The following PHKB variants were observed in gnomAD, a reference collection of about 807,000 sequenced individuals.
PHKB encodes the protein phosphorylase kinase regulatory subunit beta.
In PHKB, 122 loss-of-function variants were observed where a neutral mutation model predicts 152.1. The observed-to-expected ratio is 0.80, with a 90% CI of 0.69 to 0.93. The LOEUF is 0.93. Ranked by LOEUF, PHKB falls within the 40% of genes least tolerant of loss-of-function variation. The pLI, the probability that PHKB is intolerant of heterozygous loss-of-function variation, is 0.00. For synonymous variants in PHKB, 436 were observed against 464.9 expected (o/e 0.94, Z 0.80); for missense variants, 1,304 against 1,328.4 (o/e 0.98, Z 0.29).
At chr16:47,466,694 C>A (rs1383922383) in intron 1 of PHKB, among the ~76,000 whole-genome samples, 1 of 151,950 alleles carries the variant, frequency 6.6e-6, no homozygotes, top group African/African-American at 2.4e-5. Flanking sequence ...AAATCAGTAC[C>A]TGTTAAAATT....
chr16:47,692,855 C>T (rs1974085750), intron 27 of PHKB, among the ~76,000 whole-genome samples: 1 of 151,986 alleles, frequency 6.6e-6, no homozygotes, highest in African/African-American at 2.4e-5. Flanking sequence ...AAATAGCAAA[C>T]TTCTATAAGG....
At chr16:47,468,715 A>T (rs1969712658) in intron 1 of PHKB, among the ~76,000 whole-genome samples, 1 of 152,216 alleles carries the variant, frequency 6.6e-6, no homozygotes, top group Admixed American at 6.5e-5. Context: ...TGAATGACAA[A>T]GTCCCAGGTG....
chr16:47,586,212 TTCTTAATAA>T (rs1480656858), intron 8 of PHKB, among the ~76,000 whole-genome samples: 2 of 152,228 alleles, frequency 1.3e-5, no homozygotes, highest in Non-Finnish European at 2.9e-5. Context: ...CCTTTTTGTT[TTCTTAATAA>T]TCTTGTTCAG....
chr16:47,607,557 A>G (rs1423870994), intron 13 of PHKB, among the ~76,000 whole-genome samples: 3 of 152,204 alleles, frequency 2.0e-5, no homozygotes, highest in African/African-American at 7.2e-5. Context: ...GTATATATAC[A>G]TTACATTTTA....
chr16:47,471,544 G>A (rs1969768019), intron 1 of PHKB, among the ~76,000 whole-genome samples: 1 of 152,174 alleles, frequency 6.6e-6, no homozygotes, highest in Admixed American at 6.5e-5. Flanking sequence ...TGGGTGCATA[G>A]GGCCACTCAA....
At chr16:47,642,545 A>C (rs1266124723) in intron 16 of PHKB, among the ~76,000 whole-genome samples, 1 of 152,232 alleles carries the variant, frequency 6.6e-6, no homozygotes, top group Non-Finnish European at 1.5e-5. Context: ...AAGTCTTTGT[A>C]ACAGTGTATC....
intron 26 of PHKB, among the ~76,000 whole-genome samples, chr16:47,684,628 G>A (rs1354218964): frequency 5.9e-5 from 9 of 152,084 alleles, no homozygotes; most frequent in South Asian, 2.1e-4. Flanking sequence ...TTAGCTGGGC[G>A]TAGTAGCGGG....
At chr16:47,619,378 C>T (rs529337137) in intron 14 of PHKB, 1 of 152,270 alleles carries the variant, frequency 6.6e-6, no homozygotes, top group East Asian at 1.9e-4. Context: ...GCTGAGAGTT[C>T]TGTGAAAGTG....
chr16:47,472,932 C>T (rs1479667130), intron 1 of PHKB, among the ~76,000 whole-genome samples: 1 of 151,888 alleles, frequency 6.6e-6, no homozygotes, highest in African/African-American at 2.4e-5. Flanking sequence ...GAGACCCTGT[C>T]TCAAAAATAA....
At chr16:47,529,673 T>A (rs1970827823) in intron 6 of PHKB, 1 of 152,214 alleles carries the variant, frequency 6.6e-6, no homozygotes, top group African/African-American at 2.4e-5. Context: ...TTTAAGTTTC[T>A]AGAAGCTTGG....
At chr16:47,563,499 T>C (rs2151682999) in intron 7 of PHKB, among the ~76,000 whole-genome samples, 1 of 152,248 alleles carries the variant, frequency 6.6e-6, no homozygotes, top group Non-Finnish European at 1.5e-5. Context: ...AATCATTTTT[T>C]TCTGAGCATC....
chr16:47,532,323 C>G (rs1170433642), intron 6 of PHKB, among the ~76,000 whole-genome samples: 1 of 152,204 alleles, frequency 6.6e-6, no homozygotes, highest in Non-Finnish European at 1.5e-5. Context: ...TTCACCAGTT[C>G]AGCGTTTAGA....
At chr16:47,496,126 A>G (rs1167102003) in intron 1 of PHKB, among the ~76,000 whole-genome samples, 2 of 151,960 alleles carry the variant, frequency 1.3e-5, no homozygotes, top group Admixed American at 6.6e-5. Flanking sequence ...ATCTGTGCCA[A>G]TGTGATTTCT....
intron 6 of PHKB, among the ~76,000 whole-genome samples, chr16:47,542,709 C>T (rs1386794543): frequency 1.3e-5 from 2 of 152,126 alleles, no homozygotes; most frequent in Admixed American, 6.5e-5. Context: ...TTAAAGAGGT[C>T]CTTCAGATCC....
At chr16:47,610,183 G>C (rs199556153) in intron 13 of PHKB, among the ~76,000 whole-genome samples, 3 of 54,594 alleles carry the variant, frequency 5.5e-5, no homozygotes, top group Non-Finnish European at 1.1e-4. Flanking sequence ...TTTTTTTTTT[G>C]TATTTTTAGT....
At chr16:47,594,082 T>A in intron 11 of PHKB, 55 bp from the exon 12 acceptor site, 1 of 908,866 alleles carries the variant, frequency 1.1e-6, no homozygotes, top group East Asian at 2.4e-5. Flanking sequence ...AAGGTAAAAT[T>A]TTTGAGATCC....
At chr16:47,613,417 G>T (rs1016134522) in intron 14 of PHKB, among the ~76,000 whole-genome samples, 1 of 152,116 alleles carries the variant, frequency 6.6e-6, no homozygotes, top group Admixed American at 6.6e-5. Context: ...TTTTACTAAA[G>T]GTCGGTTATG....
Position 47,677,686 on chromosome 16 carries a change from T to A in PHKB, c.2630+8269T>A, listed in dbSNP as rs534317730. On this transcript the variant is annotated intron_variant, in intron 26 of 30. Coordinates refer to ENST00000323584, the MANE Select transcript of PHKB (RefSeq NM_000293.3). ...ATCTCCAGATACCATCACACTGGAG[T>A]TAGGGCTTCAACATTTGAATTTGGA... 2.6e-5 allele frequency among the ~76,000 whole-genome samples: 4 copies of A among 152,218 alleles called. No homozygotes were observed. In the East Asian group the frequency reaches 7.7e-4, roughly 29 times the overall value.
At chr16:47,539,706 G>A (rs958934423) in intron 6 of PHKB, among the ~76,000 whole-genome samples, 4 of 152,090 alleles carry the variant, frequency 2.6e-5, no homozygotes, top group Admixed American at 6.5e-5. Flanking sequence ...CTGGAGCCAC[G>A]GCAGAGGAAC....
Sources: allele counts gnomAD v4.1 joint callset (sites outside exome capture counted in the v4.1 genomes callset), GRCh38; gene constraint gnomAD v4.1.1; transcripts MANE v1.5; gene names NCBI Gene and HGNC (gene_info 2026-07-23, HGNC 2026-07-21).